Variants in ENTREP2 observed in about 807,000 individuals in gnomAD.
ENTREP2 encodes the protein protein ENTREP2.
chr15:29,173,427 C>T, the ENTREP2 span, among the ~76,000 whole-genome samples: 1 of 152,210 alleles, frequency 6.6e-6, no homozygotes, highest in East Asian at 1.9e-4. Flanking sequence ...AGCCTCAGCT[C>T]TCTTATTTCT....
the ENTREP2 span, among the ~76,000 whole-genome samples, chr15:29,407,737 C>G: frequency 6.6e-6 from 1 of 152,108 alleles, no homozygotes; most frequent in East Asian, 1.9e-4. Flanking sequence ...GCTCGATCTC[C>G]GCTCACTGCA....
chr15:29,463,111 G>T, the ENTREP2 span, among the ~76,000 whole-genome samples: 1 of 152,128 alleles, frequency 6.6e-6, no homozygotes, highest in Non-Finnish European at 1.5e-5. Context: ...CAGGTACATG[G>T]AGGGGGAGTG....
At chr15:29,466,478 G>A in the ENTREP2 span, among the ~76,000 whole-genome samples, 3 of 149,316 alleles carry the variant, frequency 2.0e-5, no homozygotes, top group Non-Finnish European at 4.5e-5. Flanking sequence ...CCCCAGGGGA[G>A]GGTCCAGGGG....
At chr15:29,140,537 C>A in the ENTREP2 span, among the ~76,000 whole-genome samples, 98 of 152,306 alleles carry the variant, frequency 6.4e-4, 1 homozygote, top group East Asian at 0.019. Flanking sequence ...CTTCCTAACC[C>A]AGCGCCCCCA....
chr15:29,495,466 T>C, the ENTREP2 span, among the ~76,000 whole-genome samples: 1 of 152,230 alleles, frequency 6.6e-6, no homozygotes, highest in South Asian at 2.1e-4. Context: ...ACATCACTGC[T>C]AAGATCCATC....
the ENTREP2 span, among the ~76,000 whole-genome samples, chr15:29,347,304 A>G: frequency 6.6e-6 from 1 of 152,148 alleles, no homozygotes; most frequent in Admixed American, 6.5e-5. Flanking sequence ...CTGGGACTAT[A>G]GGCCCATGCC....
At chr15:29,501,956 A>G in the ENTREP2 span, among the ~76,000 whole-genome samples, 2 of 151,998 alleles carry the variant, frequency 1.3e-5, no homozygotes, top group Non-Finnish European at 2.9e-5. Context: ...TTCAGAAAAA[A>G]TCTAACTAAA....
chr15:29,486,536 T>C, the ENTREP2 span, among the ~76,000 whole-genome samples: 1 of 151,756 alleles, frequency 6.6e-6, no homozygotes, highest in Non-Finnish European at 1.5e-5. Context: ...ACTAAAGACA[T>C]AAAAATTAGC....
At chr15:29,254,932 G>T in the ENTREP2 span, among the ~76,000 whole-genome samples, 2 of 152,324 alleles carry the variant, frequency 1.3e-5, no homozygotes, top group Admixed American at 6.5e-5. Context: ...TATTTTGTCT[G>T]TTTGGTGGAG....
At chr15:29,119,952 A>G in the ENTREP2 span, among the ~76,000 whole-genome samples, 3 of 152,222 alleles carry the variant, frequency 2.0e-5, no homozygotes, top group Non-Finnish European at 2.9e-5. Context: ...AAAAACCTGT[A>G]TTTAAGGAAA....
chr15:29,237,517 T>A, the ENTREP2 span, among the ~76,000 whole-genome samples: 2 of 152,216 alleles, frequency 1.3e-5, no homozygotes, highest in African/African-American at 4.8e-5. Context: ...GAGGTTTAGG[T>A]TGAGGTTCAC....
the ENTREP2 span, among the ~76,000 whole-genome samples, chr15:29,218,062 G>C: frequency 6.6e-6 from 1 of 152,174 alleles, no homozygotes; most frequent in Non-Finnish European, 1.5e-5. Context: ...CTCCAGGCTG[G>C]TACTCAGGGT....
the ENTREP2 span, among the ~76,000 whole-genome samples, chr15:29,614,462 G>C: frequency 6.6e-6 from 1 of 152,094 alleles, no homozygotes. Context: ...GGAGGGTCTA[G>C]AGCAGTGCCT....
chr15:29,383,465 G>T, the ENTREP2 span, among the ~76,000 whole-genome samples: 1 of 152,196 alleles, frequency 6.6e-6, no homozygotes, highest in Non-Finnish European at 1.5e-5. Flanking sequence ...TGAGAAGGCC[G>T]AATTAAAAGG....
the ENTREP2 span, among the ~76,000 whole-genome samples, chr15:29,220,791 A>G: frequency 6.6e-6 from 1 of 152,192 alleles, no homozygotes; most frequent in Admixed American, 6.5e-5. Context: ...ATTAAGTCTT[A>G]TAACATTCGT....
chr15:29,418,595 G>A, the ENTREP2 span, among the ~76,000 whole-genome samples: 2 of 152,116 alleles, frequency 1.3e-5, no homozygotes, highest in Admixed American at 6.5e-5. Context: ...CAGGTCTTTC[G>A]CTTCCAGGTC....
chr15:29,155,479 C>G, the ENTREP2 span, among the ~76,000 whole-genome samples: 22 of 152,064 alleles, frequency 1.4e-4, no homozygotes, highest in Non-Finnish European at 1.2e-4. Context: ...AGACTCAGGT[C>G]GTTTCTTCAT....
At chr15:29,355,979 A>C in the ENTREP2 span, among the ~76,000 whole-genome samples, 1 of 152,096 alleles carries the variant, frequency 6.6e-6, no homozygotes, top group East Asian at 1.9e-4. Flanking sequence ...TTTTTCCATA[A>C]GGAAAAGATG....
At chr15:29,356,285 TATATATATA>T in the ENTREP2 span, among the ~76,000 whole-genome samples, 87 of 56,940 alleles carry the variant, frequency 1.5e-3, no homozygotes, top group African/African-American at 6.0e-3. Flanking sequence ...TATATATATA[TATATATATA>T]TATTTTTTTT....
Sources: gnomAD v4.1 joint callset for allele counts (sites outside exome capture counted in the v4.1 genomes callset) on GRCh38, gnomAD v4.1.1 for gene constraint, MANE v1.5 for transcripts, NCBI Gene and HGNC (gene_info 2026-07-23, HGNC 2026-07-21) for gene names.